The following CDKL4 variants were observed in gnomAD, a reference collection of about 807,000 sequenced individuals.
The protein encoded by CDKL4 is cyclin-dependent kinase-like 4.
In CDKL4, 44 loss-of-function variants were observed where a neutral mutation model predicts 42.0. The ratio of observed to expected loss-of-function variants is 1.05; its 90% CI spans 0.82 to 1.35. The LOEUF is 1.35. Among genes scored for constraint, CDKL4 ranks in the 40% most tolerant of loss-of-function variants. The pLI, the probability that CDKL4 is intolerant of heterozygous loss-of-function variation, is 0.00. For missense variants in CDKL4, 393 were observed against 369.9 expected (o/e 1.06, Z -0.51); for synonymous variants, 120 against 121.6 (o/e 0.99, Z 0.09).
chr2:39,181,468 G>A (rs1675434922), intron 8 of CDKL4, among the ~76,000 whole-genome samples: 4 of 152,132 alleles, frequency 2.6e-5, no homozygotes, highest in Non-Finnish European at 5.9e-5. Context: ...GTGAACTCCA[G>A]ACCTGCAGGT....
chr2:39,220,884 G>A (rs961594803), intron 3 of CDKL4, among the ~76,000 whole-genome samples: 2 of 143,322 alleles, frequency 1.4e-5, no homozygotes, highest in African/African-American at 2.6e-5. Context: ...ACTGCGCCTG[G>A]CCCAACTCTT....
intron 1 of CDKL4, among the ~76,000 whole-genome samples, chr2:39,231,848 T>A (rs1237634461): frequency 6.6e-6 from 1 of 152,180 alleles, no homozygotes; most frequent in African/African-American, 2.4e-5. Flanking sequence ...GCCCAGGAGT[T>A]TGAGGTTACA....
chr2:39,206,700 C>G (rs1169843934), intron 4 of CDKL4, among the ~76,000 whole-genome samples: 1 of 152,212 alleles, frequency 6.6e-6, no homozygotes, highest in Non-Finnish European at 1.5e-5. Context: ...AAAGCACTTT[C>G]AATTCAAAGC....
rs539201871 is a variant in CDKL4 at position 39,204,526 on chromosome 2, C to G, written c.454+1G>C. 15 of 1,587,012 alleles carry G rather than the reference C, an allele frequency of 9.5e-6. No homozygotes were observed. In the South Asian group the frequency reaches 1.5e-4, roughly 15 times the overall value. ...TATTAGTAAAAAAAATTGCTACTTA[C>G]TCAGAATTTGTGCAAACCCGAAGTC... On this transcript the variant is annotated splice_donor_variant, in intron 5 of 9. Coordinates refer to ENST00000451199, the Ensembl canonical transcript of CDKL4. LOFTEE classifies it high-confidence loss of function.
At chr2:39,203,572 G>C (rs1676983766) in intron 5 of CDKL4, among the ~76,000 whole-genome samples, 1 of 152,046 alleles carries the variant, frequency 6.6e-6, no homozygotes, top group Non-Finnish European at 1.5e-5. Context: ...TGTATTTCCT[G>C]TATAGTTGAG....
rs1390018308 is a variant in CDKL4 at position 39,225,294 on chromosome 2, GGAGGCA to G, written c.290+539_290+544del. Among the ~76,000 whole-genome samples the G allele has an allele frequency of 2.6e-5, 4 of 151,904 alleles. No individual in the cohort carries two copies. The East Asian group carries it at 5.8e-4, about 22-fold the overall frequency. On this transcript the variant is annotated intron_variant, in intron 3 of 9. Transcript: ENST00000451199. Reference sequence around the variant, plus strand: ...GTGTGCCTGTAATCCCAGCTACTCGGGAGGCAGAGGCAGAGGCAGAGAACTGCTTGA... The same window carrying G: ...GTGTGCCTGTAATCCCAGCTACTCGGGAGGCAGAGGCAGAGAACTGCTTGA...
chr2:39,185,317 C>CAT (rs372001348), intron 7 of CDKL4, among the ~76,000 whole-genome samples: 28,467 of 34,666 alleles, frequency 0.82, 12,637 homozygotes, highest in East Asian at 0.9. Context: ...TGTATATATA[C>CAT]ATATATATAC....
chr2:39,224,854 C>T (rs72921037), intron 3 of CDKL4, among the ~76,000 whole-genome samples: 5,179 of 152,196 alleles, frequency 0.034, 305 homozygotes, highest in African/African-American at 0.12. Context: ...CATGTGGAAT[C>T]TGTCGTGTTA....
At chr2:39,184,168 C>T (rs546164145) in intron 8 of CDKL4, among the ~76,000 whole-genome samples, 1 of 152,320 alleles carries the variant, frequency 6.6e-6, no homozygotes, top group East Asian at 1.9e-4. Flanking sequence ...AAGGTAGATA[C>T]CCTCTCTGGT....
intron 8 of CDKL4, among the ~76,000 whole-genome samples, chr2:39,180,835 C>T (rs1343475301): frequency 6.6e-6 from 1 of 152,074 alleles, no homozygotes; most frequent in African/African-American, 2.4e-5. Flanking sequence ...GAATTACAGG[C>T]ATGCACCACC....
intron 4 of CDKL4, among the ~76,000 whole-genome samples, chr2:39,208,802 C>G (rs1677381629): frequency 6.7e-6 from 1 of 150,116 alleles, no homozygotes; most frequent in South Asian, 2.1e-4. Flanking sequence ...TGCAAACTTG[C>G]ACACCAGAAA....
chr2:39,175,419 A>G (rs920689398), downstream of CDKL4, among the ~76,000 whole-genome samples: 1 of 152,212 alleles, frequency 6.6e-6, no homozygotes, highest in African/African-American at 2.4e-5. Flanking sequence ...AAATAGAATC[A>G]TCAATGCCTC....
At chr2:39,221,001 GT>G (rs1678311355) in intron 3 of CDKL4, among the ~76,000 whole-genome samples, 5 of 78,816 alleles carry the variant, frequency 6.3e-5, no homozygotes, top group Admixed American at 2.0e-4. Flanking sequence ...TTTTTTTTTT[GT>G]TTTTTTTTTT....
At chr2:39,184,485 C>T (rs1052129876) in intron 8 of CDKL4, 106 bp downstream of exon 8, 9 of 677,106 alleles carry the variant, frequency 1.3e-5, no homozygotes, top group Non-Finnish European at 2.1e-5. Flanking sequence ...TCAATGACTA[C>T]ATCCTATTTT....
At chr2:39,209,135 C>CA (rs1157267738) in intron 4 of CDKL4, among the ~76,000 whole-genome samples, 9,496 of 98,978 alleles carry the variant, frequency 0.096, 1,149 homozygotes, top group African/African-American at 0.29. Context: ...ACTATCTCTA[C>CA]AAAAAAAAAA....
At chr2:39,169,155 A>G in the CDKL4 span, among the ~76,000 whole-genome samples, 1 of 152,226 alleles carries the variant, frequency 6.6e-6, no homozygotes, top group Non-Finnish European at 1.5e-5. Context: ...TGAAGTTAAA[A>G]CTTGATTAAA....
chr2:39,227,294 T>C (rs1678807385), intron 2 of CDKL4, among the ~76,000 whole-genome samples: 1 of 152,188 alleles, frequency 6.6e-6, no homozygotes, highest in African/African-American at 2.4e-5. Flanking sequence ...ACACAGCATT[T>C]TGCATATAGT....
At chr2:39,198,632 A>C (rs1413187630) in intron 5 of CDKL4, among the ~76,000 whole-genome samples, 1 of 152,106 alleles carries the variant, frequency 6.6e-6, no homozygotes, top group African/African-American at 2.4e-5. Flanking sequence ...TTATAGCAAG[A>C]ACTCTCACAG....
At chr2:39,237,821 A>G (rs1295533995) in intron 1 of CDKL4, among the ~76,000 whole-genome samples, 1 of 152,246 alleles carries the variant, frequency 6.6e-6, no homozygotes, top group Non-Finnish European at 1.5e-5. Context: ...TAATGAATCT[A>G]TAAAAAGTCT....
Sources: gnomAD v4.1 joint callset for allele counts (sites outside exome capture counted in the v4.1 genomes callset) on GRCh38, gnomAD v4.1.1 for gene constraint, MANE v1.5 for transcripts, NCBI Gene and HGNC (gene_info 2026-07-23, HGNC 2026-07-21) for gene names.